NDST4: variants seen among roughly 807,000 people sequenced by gnomAD.
NDST4 encodes N-heparan sulfate sulfotransferase 4.
A neutral mutation model predicts 100.8 loss-of-function variants in NDST4; 63 were observed. That is an observed-to-expected ratio of 0.62 (90% CI 0.51 to 0.77). The LOEUF (loss-of-function observed/expected upper bound fraction) is 0.77. Ranked by LOEUF, NDST4 falls within the 30% of genes least tolerant of loss-of-function variation. The pLI, the probability that NDST4 is intolerant of heterozygous loss-of-function variation, is 0.00. For synonymous variants in NDST4, 377 were observed against 361.8 expected (o/e 1.04, Z -0.48); for missense variants, 943 against 1,018.4 (o/e 0.93, Z 1.01).
chr4:114,858,658 T>C (rs1359604653), intron 7 of NDST4, among the ~76,000 whole-genome samples: 1 of 152,220 alleles, frequency 6.6e-6, no homozygotes, highest in East Asian at 1.9e-4. Flanking sequence ...CTGTACCCTT[T>C]GTCCAAAGAG....
At chr4:115,054,542 A>T (rs1186277302) in intron 2 of NDST4, among the ~76,000 whole-genome samples, 1 of 152,154 alleles carries the variant, frequency 6.6e-6, no homozygotes, top group Non-Finnish European at 1.5e-5. Context: ...ATTGTCACCA[A>T]TTTTTTTATT....
At chr4:115,022,299 T>C (rs1727854339) in intron 2 of NDST4, among the ~76,000 whole-genome samples, 1 of 147,988 alleles carries the variant, frequency 6.8e-6, no homozygotes, top group Admixed American at 6.7e-5. Flanking sequence ...CATATATATA[T>C]GTTCCACGTA....
intron 6 of NDST4, among the ~76,000 whole-genome samples, chr4:114,934,490 C>T (rs1388507277): frequency 6.6e-6 from 1 of 151,152 alleles, no homozygotes; most frequent in African/African-American, 2.4e-5. Flanking sequence ...GGAGGCGGAG[C>T]TTGCAGCTAG....
At chr4:115,106,473 C>T (rs569105) in intron 1 of NDST4, among the ~76,000 whole-genome samples, 120,923 of 151,992 alleles carry the variant, frequency 0.8, 48,990 homozygotes, top group African/African-American at 0.94. Flanking sequence ...TACTGAAACC[C>T]CTGTATAAAA....
intron 6 of NDST4, among the ~76,000 whole-genome samples, chr4:114,919,643 T>C (rs1350824602): frequency 6.6e-6 from 1 of 152,192 alleles, no homozygotes; most frequent in African/African-American, 2.4e-5. Flanking sequence ...GGCCAGGTCA[T>C]GGTCCAGAGT....
Position 114,969,764 on chromosome 4 carries a change from C to T in NDST4, c.1221+666G>A, listed in dbSNP as rs538665284. Among the ~76,000 whole-genome samples, 6 of 152,242 alleles carry T rather than the reference C, an allele frequency of 3.9e-5. No homozygotes were observed. In the East Asian group the frequency reaches 1.2e-3, roughly 29 times the overall value. ...TCCATGACTTTGCTGTTGTGAATAG[C>T]TCTGTGATGAACATGTGTGTGCGTC... On this transcript the variant is annotated intron_variant, in intron 4 of 13. Coordinates refer to ENST00000264363, the MANE Select transcript of NDST4 (RefSeq NM_022569.3).
chr4:114,855,884 T>C (rs1404825821), intron 7 of NDST4, among the ~76,000 whole-genome samples: 5 of 152,204 alleles, frequency 3.3e-5, no homozygotes, highest in Admixed American at 3.3e-4. Flanking sequence ...TTCTGAAGAA[T>C]GATCGTTTTT....
intron 1 of NDST4, among the ~76,000 whole-genome samples, chr4:115,084,877 AC>A (rs34684234): frequency 0.74 from 113,030 of 151,840 alleles, 43,234 homozygotes; most frequent in African/African-American, 0.92. Flanking sequence ...GGTTGTAGCC[AC>A]CCCCCCCACA....
intron 6 of NDST4, among the ~76,000 whole-genome samples, chr4:114,914,931 G>T (rs560262844): frequency 6.6e-6 from 1 of 152,136 alleles, no homozygotes; most frequent in African/African-American, 2.4e-5. Context: ...AGGTGGAGGT[G>T]GGGCATCTTT....
chr4:115,110,524 G>T (rs775690425), intron 1 of NDST4, among the ~76,000 whole-genome samples: 7 of 151,898 alleles, frequency 4.6e-5, no homozygotes, highest in Non-Finnish European at 8.8e-5. Context: ...TATTTAGTGT[G>T]TGTATCTTTA....
chr4:114,877,113 T>C (rs758644725), intron 6 of NDST4, among the ~76,000 whole-genome samples: 5 of 152,114 alleles, frequency 3.3e-5, no homozygotes. Flanking sequence ...AGCCTGGGCA[T>C]AGGAATTCAG....
intron 2 of NDST4, among the ~76,000 whole-genome samples, chr4:115,043,335 A>C (rs1009149486): frequency 1.3e-5 from 2 of 152,106 alleles, no homozygotes; most frequent in East Asian, 1.9e-4. Context: ...TGTACATTTT[A>C]AGTTATCACT....
chr4:114,929,104 C>CTAT (rs1560817065), intron 6 of NDST4, among the ~76,000 whole-genome samples: 142 of 129,976 alleles, frequency 1.1e-3, no homozygotes, highest in African/African-American at 3.2e-3. Flanking sequence ...ATCCATCCAT[C>CTAT]CATCCATCCA....
intron 1 of NDST4, among the ~76,000 whole-genome samples, chr4:115,102,626 G>A (rs540678775): frequency 1.0e-4 from 15 of 147,942 alleles, no homozygotes; most frequent in Non-Finnish European, 1.9e-4. Flanking sequence ...GAATTTGCCT[G>A]TATCAGATGT....
rs776261746 is a variant in NDST4, at chr4:114,848,308, A to T, written c.1847T>A (p.Met616Lys). ...GAGATTGCTGATGATTGAAGGATGC[A>T]TAAGAAGAAATAAATAAAGTGCAGT... ...GTTALYLFLL[M>K]HPSIISNLPS... The change falls in exon 9 of 14, where the codon ATG becomes AAG. Residue 616 changes from methionine to lysine, a missense_variant. Physicochemically the swap from Met to Lys is moderately conservative, Grantham distance 95. Around this residue, in one of 2 missense-constraint regions of NDST4, gnomAD observed 526 missense variants for 634.1 expected, o/e 0.83. Coordinates refer to ENST00000264363, the MANE Select transcript of NDST4 (RefSeq NM_022569.3). 1 of 1,602,546 alleles carries T rather than the reference A, an allele frequency of 6.2e-7. No homozygotes were observed. Among genetic ancestry groups the T allele is most frequent in the South Asian group, 1.1e-5 (1 of 88,902 alleles).
Position 114,848,235 on chromosome 4 carries a change from G to A in NDST4, c.1920C>T (p.Asn640=). 4.4e-6 allele frequency: 7 copies of A among 1,608,572 alleles called. No individual in the cohort carries two copies. In the South Asian group the frequency reaches 7.8e-5, roughly 18 times the overall value. The change falls in exon 9 of 14, where the codon AAC becomes AAT. Residue 640 remains asparagine (N), a synonymous_variant. Transcript: ENST00000264363. ...CTTACCAGTCTATTCCTTTGTGATAGTTGTTGCCATTAAAGAACTGAACTT... is the reference window on the plus strand; with the variant it reads ...CTTACCAGTCTATTCCTTTGTGATAATTGTTGCCATTAAAGAACTGAACTT... ...FEEVQFFNGN[N]YHKGIDWYMD...
chr4:115,052,752 C>T (rs1028661021), intron 2 of NDST4, among the ~76,000 whole-genome samples: 2 of 152,108 alleles, frequency 1.3e-5, no homozygotes, highest in African/African-American at 4.8e-5. Flanking sequence ...TGAGAACAGA[C>T]TAATACAACT....
chr4:114,965,372 A>G (rs1726357832), intron 4 of NDST4, among the ~76,000 whole-genome samples: 1 of 152,068 alleles, frequency 6.6e-6, no homozygotes, highest in Non-Finnish European at 1.5e-5. Flanking sequence ...TATGACACTT[A>G]AGGATTTTCC....
At chr4:115,090,626 A>AT (rs1239858983) in intron 1 of NDST4, among the ~76,000 whole-genome samples, 2 of 151,956 alleles carry the variant, frequency 1.3e-5, no homozygotes. Flanking sequence ...AAAAAATTTG[A>AT]TTTTTTTAAT....
Sources: allele counts gnomAD v4.1 joint callset (sites outside exome capture counted in the v4.1 genomes callset), GRCh38; gene constraint gnomAD v4.1.1; regional missense constraint gnomAD v4.1.1; transcripts MANE v1.5; gene names NCBI Gene and HGNC (gene_info 2026-07-23, HGNC 2026-07-21).